MECOM: variants seen among roughly 807,000 people sequenced by gnomAD.
MECOM encodes histone-lysine N-methyltransferase MECOM.
A neutral mutation model predicts 116.3 loss-of-function variants in MECOM; 13 were observed. The ratio of observed to expected loss-of-function variants is 0.11; its 90% CI spans 0.07 to 0.18. The LOEUF (loss-of-function observed/expected upper bound fraction) is 0.18, where lower values mean the gene tolerates loss of function less well. MECOM is among the 10% of genes least tolerant of loss of function. The pLI, the probability that MECOM is intolerant of heterozygous loss-of-function variation, is 1.00. For missense variants in MECOM, 1,299 were observed against 1,509.0 expected (o/e 0.86, Z 2.31); for synonymous variants, 528 against 535.2 (o/e 0.99, Z 0.19).
At chr3:169,632,125 C>A (rs1772167918) in intron 1 of MECOM, among the ~76,000 whole-genome samples, 1 of 152,054 alleles carries the variant, frequency 6.6e-6, no homozygotes, top group African/African-American at 2.4e-5. Context: ...CAAGGAAAGG[C>A]CATTAGCTAT....
At chr3:169,431,703 T>C (rs1741663820) in intron 1 of MECOM, among the ~76,000 whole-genome samples, 1 of 152,160 alleles carries the variant, frequency 6.6e-6, no homozygotes, top group Non-Finnish European at 1.5e-5. Context: ...TAAAGCCAAA[T>C]ACACACGGTT....
chr3:169,514,851 A>G (rs569759832), intron 1 of MECOM, among the ~76,000 whole-genome samples: 61 of 152,344 alleles, frequency 4.0e-4, no homozygotes, highest in Admixed American at 6.5e-4. Context: ...TCTGAGAGCC[A>G]GTATAGTTTT....
At chr3:169,475,097 G>A (rs927848170) in intron 1 of MECOM, among the ~76,000 whole-genome samples, 2 of 152,098 alleles carry the variant, frequency 1.3e-5, no homozygotes, top group African/African-American at 4.8e-5. Flanking sequence ...TAAACAATCA[G>A]AACAGAGTCC....
intron 2 of MECOM, among the ~76,000 whole-genome samples, chr3:169,378,514 A>AAAG (rs1553830103): frequency 4.1e-4 from 11 of 26,882 alleles, no homozygotes; most frequent in South Asian, 1.2e-3. Flanking sequence ...AGAAAGAAAG[A>AAAG]AAAGAAAGAA....
chr3:169,242,185 C>G (rs558886188), intron 2 of MECOM, among the ~76,000 whole-genome samples: 3 of 152,078 alleles, frequency 2.0e-5, no homozygotes, highest in Non-Finnish European at 2.9e-5. Context: ...ACGAGAGGAG[C>G]CTTCTTCTTT....
intron 13 of MECOM, among the ~76,000 whole-genome samples, chr3:169,093,691 T>TTC (rs1475990128): frequency 6.6e-6 from 1 of 152,184 alleles, no homozygotes; most frequent in Non-Finnish European, 1.5e-5. Context: ...GATCTTCCCC[T>TTC]TCCTTGCCTA....
chr3:169,471,551 A>G (rs952173830), intron 1 of MECOM, among the ~76,000 whole-genome samples: 5 of 152,196 alleles, frequency 3.3e-5, no homozygotes, highest in African/African-American at 1.2e-4. Context: ...ATATCCAGGA[A>G]TCCAACAAGG....
At chr3:169,594,153 A>C (rs1010616426) in intron 1 of MECOM, among the ~76,000 whole-genome samples, 1 of 123,434 alleles carries the variant, frequency 8.1e-6, no homozygotes, top group African/African-American at 3.7e-5. Context: ...CACCACCACC[A>C]CAAAAAAAAA....
intron 2 of MECOM, among the ~76,000 whole-genome samples, chr3:169,196,825 G>C (rs1748467806): frequency 6.6e-6 from 1 of 151,932 alleles, no homozygotes; most frequent in Non-Finnish European, 1.5e-5. Context: ...TATACCCAAA[G>C]GAATATAAAT....
At chr3:169,405,657 C>T (rs929089104) in intron 1 of MECOM, among the ~76,000 whole-genome samples, 3 of 152,170 alleles carry the variant, frequency 2.0e-5, no homozygotes, top group African/African-American at 7.2e-5. Flanking sequence ...TTGCAGCAAA[C>T]AATATGTCCA....
chr3:169,408,827 T>A (rs1737118711), intron 1 of MECOM, among the ~76,000 whole-genome samples: 1 of 151,968 alleles, frequency 6.6e-6, no homozygotes, highest in Non-Finnish European at 1.5e-5. Flanking sequence ...AACAGAAGAA[T>A]AACACTTTTT....
At chr3:169,471,952 G>A (rs1749317241) in intron 1 of MECOM, among the ~76,000 whole-genome samples, 1 of 152,072 alleles carries the variant, frequency 6.6e-6, no homozygotes, top group African/African-American at 2.4e-5. Context: ...TGAACTTTCA[G>A]TTTAAGATCT....
intron 1 of MECOM, among the ~76,000 whole-genome samples, chr3:169,649,001 A>G (rs1774526648): frequency 6.6e-6 from 1 of 152,214 alleles, no homozygotes; most frequent in Non-Finnish European, 1.5e-5. Flanking sequence ...AAAGGATAAA[A>G]TACGCAAAAA....
chr3:169,235,960 G>A (rs369109316), intron 2 of MECOM, among the ~76,000 whole-genome samples: 4 of 151,124 alleles, frequency 2.6e-5, no homozygotes, highest in South Asian at 2.1e-4. Flanking sequence ...AGAAAGACAC[G>A]CATTCAGTAG....
chr3:169,516,412 T>C (rs1288388950), intron 1 of MECOM, among the ~76,000 whole-genome samples: 1 of 152,212 alleles, frequency 6.6e-6, no homozygotes. Flanking sequence ...TCATATCTCA[T>C]TGCTTATACT....
chr3:169,568,377 C>A (rs770276559), intron 1 of MECOM, among the ~76,000 whole-genome samples: 27 of 152,008 alleles, frequency 1.8e-4, no homozygotes, highest in Non-Finnish European at 1.3e-4. Context: ...GAACTGTTCA[C>A]TCCCCTGGAA....
At chr3:169,542,252 C>A (rs1760161655) in intron 1 of MECOM, among the ~76,000 whole-genome samples, 1 of 151,774 alleles carries the variant, frequency 6.6e-6, no homozygotes, top group South Asian at 2.1e-4. Flanking sequence ...CCTTTCACAG[C>A]AGTTTTTGTT....
chr3:169,650,799 T>C (rs570887288), intron 1 of MECOM, among the ~76,000 whole-genome samples: 1 of 152,206 alleles, frequency 6.6e-6, no homozygotes, highest in East Asian at 1.9e-4. Flanking sequence ...CTTTGGGTCC[T>C]GGTTTGGGGA....
intron 2 of MECOM, among the ~76,000 whole-genome samples, chr3:169,176,215 T>C (rs951261817): frequency 2.0e-5 from 3 of 152,050 alleles, no homozygotes; most frequent in Non-Finnish European, 4.4e-5. Flanking sequence ...AAAGCCATCT[T>C]GGGCCACAGG....
Sources: gnomAD v4.1 joint callset for allele counts (sites outside exome capture counted in the v4.1 genomes callset) on GRCh38, gnomAD v4.1.1 for gene constraint, MANE v1.5 for transcripts, NCBI Gene and HGNC (gene_info 2026-07-23, HGNC 2026-07-21) for gene names.